ULK4: variants seen among roughly 807,000 people sequenced by gnomAD.
ULK4 encodes the protein unc-51 like kinase 4, also known as inactive serine/threonine-protein kinase ULK4.
A neutral mutation model predicts 160.6 loss-of-function variants in ULK4; 133 were observed. The observed-to-expected ratio is 0.83, with a 90% confidence interval of 0.72 to 0.96. ULK4 has a LOEUF of 0.96. Ranked by LOEUF, ULK4 falls within the 40% of genes least tolerant of loss-of-function variation. The pLI is 0.00. For missense variants in ULK4, 1,580 were observed against 1,499.5 expected, an observed-to-expected ratio of 1.05 and a Z score of -0.89; for synonymous variants, 534 against 539.8, an observed-to-expected ratio of 0.99 and a Z score of 0.15.
At chr3:41,364,002 C>G (rs1166026043) in intron 35 of ULK4, among the ~76,000 whole-genome samples, 3 of 151,878 alleles carry the variant, frequency 2.0e-5, no homozygotes, top group Non-Finnish European at 1.5e-5. Flanking sequence ...GTGATCTCAG[C>G]TCACTGCAGC....
chr3:41,937,900 G>A lies in ULK4; in HGVS notation c.238+198C>T, dbSNP rs561064686. 5.0e-5 allele frequency: 19 copies of A among 379,714 alleles called. No individual in the cohort carries two copies. The Admixed American group carries it at 6.4e-4, about 13-fold the overall frequency. 23.5% of individuals were successfully genotyped at this position (379,714 alleles called of 1,614,324 possible). On this transcript the variant is annotated intron_variant, in intron 3 of 36. Transcript: ENST00000301831. ...TTATGTATATAACGTAATAATACACGAAAGTAAATCCAACCCGGAATTGAA... is the reference window on the plus strand; with the variant it reads ...TTATGTATATAACGTAATAATACACAAAAGTAAATCCAACCCGGAATTGAA...
chr3:41,547,549 G>T (rs1575394762), intron 32 of ULK4, among the ~76,000 whole-genome samples: 1 of 152,262 alleles, frequency 6.6e-6, no homozygotes, highest in African/African-American at 2.4e-5. Context: ...CACTCTTACA[G>T]GCCCTGAGAC....
At chr3:41,827,649 A>G (rs2041409847) in intron 18 of ULK4, among the ~76,000 whole-genome samples, 1 of 152,218 alleles carries the variant, frequency 6.6e-6, no homozygotes, top group Admixed American at 6.5e-5. Context: ...AAATTGAGGC[A>G]ATAATTAATA....
chr3:41,480,538 C>A (rs552014910), intron 32 of ULK4, among the ~76,000 whole-genome samples: 161 of 152,220 alleles, frequency 1.1e-3, no homozygotes, highest in Non-Finnish European at 1.6e-3. Context: ...AAAATGAAGA[C>A]CTTTACGGTG....
At chr3:41,577,593 C>T (rs2088236138) in intron 31 of ULK4, among the ~76,000 whole-genome samples, 1 of 151,542 alleles carries the variant, frequency 6.6e-6, no homozygotes, top group South Asian at 2.1e-4. Context: ...CATTAACCAT[C>T]CCCACCTCCC....
Position 41,566,086 on chromosome 3 carries a change from A to T in ULK4, c.3165T>A (p.Ile1055=), listed in dbSNP as rs748596693. 7 of 1,613,810 alleles carry T rather than the reference A, an allele frequency of 4.3e-6. No individual in the cohort carries two copies. The highest frequency in any genetic ancestry group is 5.9e-6 in the Non-Finnish European group (7 of 1,179,970). The change falls in exon 32 of 37, where the codon ATT becomes ATA. Residue 1055 remains isoleucine, a synonymous_variant. Coordinates refer to ENST00000301831, the MANE Select transcript of ULK4 (RefSeq NM_017886.4). ...SILGNTMQSV[I]ALLSNLVACK... is the part of the protein sequence containing the mutation. Reference sequence around the variant, plus strand: ...AGGCAACTAGATTGCTGAGTAATGCAATCACACTTTGCATGGTATTACCCA... The same window carrying T: ...AGGCAACTAGATTGCTGAGTAATGCTATCACACTTTGCATGGTATTACCCA...
chr3:41,853,313 T>G (rs945489723), intron 17 of ULK4, among the ~76,000 whole-genome samples: 1 of 152,150 alleles, frequency 6.6e-6, no homozygotes, highest in African/African-American at 2.4e-5. Flanking sequence ...TGCCTGCACA[T>G]GAGAATCACC....
rs370251043 is a variant in ULK4, at chr3:41,572,744, C to T, written c.3121-6614G>A. On this transcript the variant is annotated intron_variant, in intron 31 of 36. Transcript: ENST00000301831. ...TCGCGCCACTGCACTCCAGCCTGGG[C>T]GACAGAGCAAGATTCCATCTCAAAA... Among the ~76,000 whole-genome samples, 21 of 141,922 alleles carry T rather than the reference C, an allele frequency of 1.5e-4. No individual in the cohort carries two copies. The East Asian group carries it at 2.5e-3, about 17-fold the overall frequency. 93.1% of individuals were successfully genotyped at this position (141,922 alleles called of 152,430 possible). A position where few individuals can be genotyped will look rare whatever the true frequency, so the allele number is the denominator to read the frequency against.
intron 31 of ULK4, among the ~76,000 whole-genome samples, chr3:41,573,961 A>G (rs1251218464): frequency 6.6e-6 from 1 of 152,168 alleles, no homozygotes; most frequent in Non-Finnish European, 1.5e-5. Context: ...ATTTTTCACA[A>G]GGCTGTGTCA....
At chr3:41,635,059 A>G (rs71331196) in intron 30 of ULK4, among the ~76,000 whole-genome samples, 10,159 of 152,262 alleles carry the variant, frequency 0.067, 498 homozygotes, top group Admixed American at 0.14. Flanking sequence ...GTCAAAAAGA[A>G]TGGGTTAACA....
At chr3:41,917,933 G>A (rs1458506227) in intron 7 of ULK4, among the ~76,000 whole-genome samples, 1 of 151,944 alleles carries the variant, frequency 6.6e-6, no homozygotes, top group Non-Finnish European at 1.5e-5. Flanking sequence ...GTTGCAGTGA[G>A]CCGAGAACAC....
intron 35 of ULK4, among the ~76,000 whole-genome samples, chr3:41,301,902 A>G (rs751710045): frequency 1.3e-5 from 2 of 152,202 alleles, no homozygotes; most frequent in Non-Finnish European, 2.9e-5. Flanking sequence ...TTTGATTAAT[A>G]AATATATTTA....
At chr3:41,813,738 T>A (rs1293057221) in intron 19 of ULK4, among the ~76,000 whole-genome samples, 3 of 152,238 alleles carry the variant, frequency 2.0e-5, no homozygotes, top group South Asian at 4.1e-4. Flanking sequence ...TGAAGAAATG[T>A]ATGTGCCATC....
intron 32 of ULK4, among the ~76,000 whole-genome samples, chr3:41,502,305 A>G (rs1428781869): frequency 3.3e-5 from 5 of 152,244 alleles, no homozygotes; most frequent in Admixed American, 3.3e-4. Flanking sequence ...ATTAATTTAC[A>G]TTTCCACTAA....
At chr3:41,466,251 C>A (rs9870710) in intron 32 of ULK4, among the ~76,000 whole-genome samples, 14,087 of 152,018 alleles carry the variant, frequency 0.093, 1,193 homozygotes, top group East Asian at 0.52. Flanking sequence ...TACTTAGAGT[C>A]CATGGTCTGA....
At chr3:41,773,757 T>C (rs954870221) in intron 21 of ULK4, among the ~76,000 whole-genome samples, 1 of 152,170 alleles carries the variant, frequency 6.6e-6, no homozygotes, top group African/African-American at 2.4e-5. Flanking sequence ...AGAGCCGGCA[T>C]TGCCAAGTCA....
intron 35 of ULK4, among the ~76,000 whole-genome samples, chr3:41,255,192 G>A (rs1302837336): frequency 6.7e-6 from 1 of 148,526 alleles, no homozygotes; most frequent in East Asian, 2.0e-4. Context: ...TAAATATAAG[G>A]GCACCAAGGC....
intron 31 of ULK4, among the ~76,000 whole-genome samples, chr3:41,591,321 T>G (rs1195154569): frequency 6.6e-6 from 1 of 152,090 alleles, no homozygotes; most frequent in African/African-American, 2.4e-5. Flanking sequence ...TATCTCTGCA[T>G]GGAAAAAAAA....
chr3:41,739,453 G>A (rs2038168103), intron 22 of ULK4, among the ~76,000 whole-genome samples: 1 of 151,910 alleles, frequency 6.6e-6, no homozygotes, highest in Non-Finnish European at 1.5e-5. Flanking sequence ...CATCCTCCCA[G>A]TGAGCAGAGC....
Sources: gnomAD v4.1 joint callset for allele counts (sites outside exome capture counted in the v4.1 genomes callset) on GRCh38, gnomAD v4.1.1 for gene constraint, MANE v1.5 for transcripts, NCBI Gene and HGNC (gene_info 2026-07-23, HGNC 2026-07-21) for gene names.